AFF3: variants seen among roughly 807,000 people sequenced by gnomAD.
AFF3 encodes the protein AF4/FMR2 family member 3.
Under a neutral mutation model 129.7 loss-of-function variants are expected in AFF3, and 32 were observed. The ratio of observed to expected loss-of-function variants is 0.25; its 90% CI spans 0.19 to 0.33. AFF3 has a LOEUF of 0.33. AFF3 is among the 10% of genes least tolerant of loss of function. The pLI is 1.00. For missense variants in AFF3, 1,373 were observed against 1,592.0 expected, an observed-to-expected ratio of 0.86 and a Z score of 2.34; for synonymous variants, 644 against 635.4, an observed-to-expected ratio of 1.01 and a Z score of -0.20.
intron 7 of AFF3, among the ~76,000 whole-genome samples, chr2:99,870,174 C>T (rs773802202): frequency 3.3e-5 from 5 of 152,224 alleles, no homozygotes; most frequent in Non-Finnish European, 5.9e-5. Context: ...TCTGCACCAT[C>T]TTCTTGGCTC....
At chr2:99,740,756 T>C (rs1437615647) in intron 10 of AFF3, among the ~76,000 whole-genome samples, 3 of 150,590 alleles carry the variant, frequency 2.0e-5, no homozygotes, top group African/African-American at 4.8e-5. Flanking sequence ...TTCTCCCATT[T>C]TGTAGGTTGC....
At chr2:99,690,157 T>TATC (rs1409012925) in intron 11 of AFF3, among the ~76,000 whole-genome samples, 1 of 42,658 alleles carries the variant, frequency 2.3e-5, no homozygotes, top group Non-Finnish European at 4.6e-5. Flanking sequence ...CCACAATCTT[T>TATC]ATTATTATTA....
At chr2:99,649,750 C>T in intron 12 of AFF3, 84 bp from the exon 13 acceptor site, 2 of 1,500,094 alleles carry the variant, frequency 1.3e-6, no homozygotes, top group South Asian at 1.2e-5. Flanking sequence ...AAAAAAGACC[C>T]CTGCATTACA....
At chr2:100,040,324 T>G (rs2105045160) in intron 4 of AFF3, among the ~76,000 whole-genome samples, 1 of 152,216 alleles carries the variant, frequency 6.6e-6, no homozygotes, top group East Asian at 1.9e-4. Flanking sequence ...AAGAAAGACC[T>G]CCAACCCAAT....
intron 8 of AFF3, among the ~76,000 whole-genome samples, chr2:99,811,576 A>G (rs1489735950): frequency 6.6e-6 from 1 of 152,206 alleles, no homozygotes; most frequent in African/African-American, 2.4e-5. Context: ...CTCCTATTTC[A>G]TGAAAGGAAA....
At chr2:99,843,547 T>A (rs1689480477) in intron 7 of AFF3, among the ~76,000 whole-genome samples, 1 of 152,218 alleles carries the variant, frequency 6.6e-6, no homozygotes, top group Admixed American at 6.5e-5. Flanking sequence ...TCCATCCCTA[T>A]TTTTCCTAAC....
chr2:99,872,017 T>C lies in AFF3; in HGVS notation c.874-34493A>G, dbSNP rs1362463878. Among the ~76,000 whole-genome samples, 2 of 151,570 alleles carry C rather than the reference T, an allele frequency of 1.3e-5. 1 individual carries two copies. Among genetic ancestry groups the C allele is most frequent in the Admixed American group, 1.3e-4 (2 of 15,188 alleles). On this transcript the variant is annotated intron_variant, in intron 7 of 24. Transcript: ENST00000672756. The stretch of plus-strand genomic sequence containing the variant: ...GGTCAGGAGATCAAGACCATCCTGG[T>C]AACATGGTAAAACCCCATCTCTACT...
chr2:99,876,552 CTTTCCA>C (rs1266745753), intron 7 of AFF3, among the ~76,000 whole-genome samples: 1 of 152,156 alleles, frequency 6.6e-6, no homozygotes, highest in Non-Finnish European at 1.5e-5. Context: ...CTGTGTCCCA[CTTTCCA>C]TTCTCGCTCA....
intron 4 of AFF3, among the ~76,000 whole-genome samples, chr2:100,029,665 G>C (rs1347500180): frequency 6.6e-6 from 1 of 152,134 alleles, no homozygotes; most frequent in East Asian, 1.9e-4. Flanking sequence ...GCAGGGAGTG[G>C]GAAAACAGCA....
Position 99,547,252 on chromosome 2 carries a change from A to C in AFF3, c.*4222T>G. 9.3e-6 allele frequency: 2 copies of C among 216,188 alleles called. No individual in the cohort carries two copies. Among genetic ancestry groups the C allele is most frequent in the Non-Finnish European group, 9.3e-6 (1 of 106,994 alleles). The allele number at this position is 216,188 out of a possible 1,614,324, so 13.4% of individuals were successfully genotyped here. On this transcript the variant is annotated 3_prime_UTR_variant, in exon 25 of 25. Transcript: ENST00000672756. ...TTTTACGTACAACTCAACTTCTCTC[A>C]TTTACAACATAAATCATTTAATGTA...
At chr2:99,712,492 C>G (rs1045245581) in intron 11 of AFF3, among the ~76,000 whole-genome samples, 1 of 152,246 alleles carries the variant, frequency 6.6e-6, no homozygotes, top group Admixed American at 6.5e-5. Context: ...TCCTTCCTCA[C>G]TCCTTTGGCA....
chr2:100,142,178 T>G (rs1358715966), intron 1 of AFF3, among the ~76,000 whole-genome samples: 1 of 151,964 alleles, frequency 6.6e-6, no homozygotes, highest in East Asian at 1.9e-4. Context: ...ATGTTCACAC[T>G]CAGGTTATGT....
chr2:100,126,686 C>T (rs1395895022), intron 2 of AFF3, among the ~76,000 whole-genome samples: 1 of 152,068 alleles, frequency 6.6e-6, no homozygotes, highest in Admixed American at 6.5e-5. Context: ...ATACTATTTC[C>T]CCCTTGAGAA....
At chr2:99,706,549 A>G (rs1677412841) in intron 11 of AFF3, among the ~76,000 whole-genome samples, 1 of 152,216 alleles carries the variant, frequency 6.6e-6, no homozygotes, top group Non-Finnish European at 1.5e-5. Flanking sequence ...AGTATACAAA[A>G]TTTCATTGTT....
intron 13 of AFF3, among the ~76,000 whole-genome samples, chr2:99,627,509 C>T (rs1313250991): frequency 6.6e-6 from 1 of 152,066 alleles, no homozygotes; most frequent in Non-Finnish European, 1.5e-5. Flanking sequence ...AAAATGTTCT[C>T]CCATTATGAA....
chr2:100,116,529 GTTGAAC>G (rs764631187), intron 2 of AFF3, among the ~76,000 whole-genome samples: 7 of 151,950 alleles, frequency 4.6e-5, no homozygotes, highest in Non-Finnish European at 2.9e-5. Flanking sequence ...ATTCTTTACT[GTTGAAC>G]TTGAAAGTAA....
intron 4 of AFF3, among the ~76,000 whole-genome samples, chr2:100,027,997 G>A (rs550143271): frequency 2.3e-4 from 35 of 152,190 alleles, no homozygotes; most frequent in South Asian, 1.9e-3. Flanking sequence ...ATTTTAGCAG[G>A]CACATTAAAT....
At chr2:99,810,874 T>C (rs1475161918) in intron 8 of AFF3, among the ~76,000 whole-genome samples, 2 of 152,170 alleles carry the variant, frequency 1.3e-5, no homozygotes, top group African/African-American at 4.8e-5. Flanking sequence ...GTGGCCCCTT[T>C]TTCCATCTTC....
intron 4 of AFF3, among the ~76,000 whole-genome samples, chr2:100,030,356 A>G (rs1684394380): frequency 6.6e-6 from 1 of 152,196 alleles, no homozygotes; most frequent in Non-Finnish European, 1.5e-5. Flanking sequence ...ACCTATTGTG[A>G]TGGCTAAAAT....
Sources: gnomAD v4.1 joint callset for allele counts (sites outside exome capture counted in the v4.1 genomes callset) on GRCh38, gnomAD v4.1.1 for gene constraint, MANE v1.5 for transcripts, NCBI Gene and HGNC (gene_info 2026-07-23, HGNC 2026-07-21) for gene names.